NTRK3: variants seen among roughly 807,000 people sequenced by gnomAD.
NTRK3 encodes the protein NT-3 growth factor receptor.
A neutral mutation model predicts 91.7 loss-of-function variants in NTRK3; 24 were observed. That is an observed-to-expected ratio of 0.26 (90% confidence interval 0.19 to 0.37). The LOEUF (loss-of-function observed/expected upper bound fraction) is 0.37. Among genes scored for constraint, NTRK3 ranks in the 10% least tolerant of loss-of-function variants. The probability of loss-of-function intolerance (pLI) is 1.00; values close to 1 mark genes in which losing one functional copy is unlikely to be tolerated. For synonymous variants in NTRK3, 483 were observed against 404.0 expected (o/e 1.20, Z -2.34); for missense variants, 880 against 1,068.9 (o/e 0.82, Z 2.46).
Position 88,187,705 on chromosome 15 carries a change from G to A in NTRK3, c.249-3406C>T, listed in dbSNP as rs566791861. ...AAAACAGACTTTGCGAGGCTGAGGCGGGTGGATCATTCATGGTCAGGAGTT... is the reference window on the plus strand; with the variant it reads ...AAAACAGACTTTGCGAGGCTGAGGCAGGTGGATCATTCATGGTCAGGAGTT... On this transcript the variant is annotated intron_variant, in intron 3 of 18. Transcript: ENST00000394480. Among the ~76,000 whole-genome samples, 4 of 152,122 alleles carry A rather than the reference G, an allele frequency of 2.6e-5. No individual in the cohort carries two copies. In the Middle Eastern group the frequency reaches 0.01, roughly 388 times the overall value.
chr15:88,114,004 T>C (rs190703660), intron 13 of NTRK3, among the ~76,000 whole-genome samples: 96 of 151,146 alleles, frequency 6.4e-4, no homozygotes, highest in African/African-American at 1.8e-3. Flanking sequence ...CTTTAATCAG[T>C]ACCCCCCCCA....
In NTRK3 at chr15:88,233,820, C is replaced by T. The variant is rs1212045729; in HGVS notation, c.248+22086G>A. On this transcript the variant is annotated intron_variant, in intron 3 of 18. Transcript: ENST00000394480. The surrounding 1 kb of genome is among the most constrained non-coding windows in gnomAD (Gnocchi z 4.2). Reference sequence around the variant, plus strand: ...CCCTCCCTGCCTTGTCCAAGAGAATCTCTACTCCCTCTGGCCTCCCTAGAA... The same window carrying T: ...CCCTCCCTGCCTTGTCCAAGAGAATTTCTACTCCCTCTGGCCTCCCTAGAA... Among the ~76,000 whole-genome samples the T allele has an allele frequency of 6.6e-6, 1 of 151,888 alleles. No individual in the cohort carries two copies. Among genetic ancestry groups the T allele is most frequent in the Non-Finnish European group, 1.5e-5 (1 of 68,014 alleles).
At chr15:88,188,338 C>T (rs1181275899) in intron 3 of NTRK3, among the ~76,000 whole-genome samples, 4 of 152,174 alleles carry the variant, frequency 2.6e-5, no homozygotes, top group Admixed American at 1.3e-4. Context: ...ATTTTGCCCC[C>T]CAGCAGACAT....
At chr15:88,066,229 C>T (rs1024163006) in intron 13 of NTRK3, among the ~76,000 whole-genome samples, 6 of 152,162 alleles carry the variant, frequency 3.9e-5, no homozygotes, top group African/African-American at 1.2e-4. Context: ...TCAATGGGCA[C>T]GTCAGACATG....
chr15:88,011,620 C>T (rs1018792968), intron 14 of NTRK3, among the ~76,000 whole-genome samples: 3 of 152,162 alleles, frequency 2.0e-5, no homozygotes, highest in Admixed American at 2.0e-4. Flanking sequence ...AAAGAAGCCG[C>T]AGCTGAAGAT....
intron 13 of NTRK3, among the ~76,000 whole-genome samples, chr15:88,064,909 T>C (rs2046516447): frequency 6.6e-6 from 1 of 152,166 alleles, no homozygotes; most frequent in Non-Finnish European, 1.5e-5. Context: ...TAAGTAAGAA[T>C]AATACTTTCA....
intron 14 of NTRK3, among the ~76,000 whole-genome samples, chr15:87,966,039 C>T (rs912281642): frequency 4.6e-5 from 7 of 152,032 alleles, no homozygotes; most frequent in Non-Finnish European, 7.4e-5. Flanking sequence ...GATCACACCA[C>T]TGCATTCCAG....
chr15:88,130,181 G>A (rs1444545576), intron 10 of NTRK3, among the ~76,000 whole-genome samples: 6 of 152,002 alleles, frequency 3.9e-5, no homozygotes, highest in South Asian at 2.1e-4. Context: ...CCTAGCAAAC[G>A]AATACATGAA....
At position 87,982,263 on chromosome 15, in the gene NTRK3, T is replaced by C. The variant is rs530998620; in HGVS notation, c.1586-41510A>G. ...AGAGGCACTGCTCCAAAATCCTCCA[T>C]TCCTCTCCCTCTGTCTCAGAACAAC... On this transcript the variant is annotated intron_variant, in intron 14 of 18. Coordinates refer to ENST00000394480, the Ensembl canonical transcript of NTRK3. 2.0e-5 allele frequency among the ~76,000 whole-genome samples: 3 copies of C among 152,316 alleles called. No individual in the cohort carries two copies. In the South Asian group the frequency reaches 6.2e-4, roughly 32 times the overall value.
At chr15:87,873,507 G>GAT (rs2064877549) in exon 19 of NTRK3, 8 of 231,760 alleles carry the variant, frequency 3.5e-5, no homozygotes, top group Middle Eastern at 1.3e-3. Context: ...ATGGCAGAGA[G>GAT]ACCAGCCTGG....
At chr15:88,088,754 A>C (rs1404398476) in intron 13 of NTRK3, among the ~76,000 whole-genome samples, 3 of 152,070 alleles carry the variant, frequency 2.0e-5, no homozygotes, top group Admixed American at 1.3e-4. Flanking sequence ...AATTCAAGGG[A>C]CTAGTGGGCA....
intron 14 of NTRK3, among the ~76,000 whole-genome samples, chr15:87,962,091 A>T (rs1301613274): frequency 6.6e-6 from 1 of 152,224 alleles, no homozygotes; most frequent in East Asian, 1.9e-4. Flanking sequence ...GGCTGTAGGA[A>T]GTGACACAAA....
intron 13 of NTRK3, among the ~76,000 whole-genome samples, chr15:88,070,894 G>A (rs1459008634): frequency 1.3e-5 from 2 of 152,130 alleles, no homozygotes; most frequent in Admixed American, 6.6e-5. Context: ...AGAAAAGGAA[G>A]GCAAGATAAA....
intron 13 of NTRK3, among the ~76,000 whole-genome samples, chr15:88,099,890 C>G (rs998241571): frequency 6.6e-6 from 1 of 152,164 alleles, no homozygotes. Context: ...CACACATCTA[C>G]TGAAAAGGCT....
Position 88,234,615 on chromosome 15 carries a change from G to A in NTRK3, c.248+21291C>T, listed in dbSNP as rs990816343. On this transcript the variant is annotated intron_variant, in intron 3 of 18. Coordinates refer to ENST00000394480, the Ensembl canonical transcript of NTRK3. The surrounding 1 kb of genome is among the most constrained non-coding windows in gnomAD (Gnocchi z 6.1). ...CCAGCTCAGTTGCCCCTTCCTCTGG[G>A]GAGCTTCTCTGCATGCCCAGCCTGG... Among the ~76,000 whole-genome samples, 3 of 152,164 alleles carry A rather than the reference G, an allele frequency of 2.0e-5. No individual in the cohort carries two copies. Among genetic ancestry groups the A allele is most frequent in the South Asian group, 2.1e-4 (1 of 4,814 alleles).
At position 87,946,943 on chromosome 15, in the gene NTRK3, G is replaced by A. The variant is rs531038592; in HGVS notation, c.1586-6190C>T. On this transcript the variant is annotated intron_variant, in intron 14 of 18. Transcript: ENST00000394480. ...ATCGCCCAGGCTGGAGTGCAATGGC[G>A]CAATCTGGGCTCACTGCAACCTCCG... 6.4e-5 allele frequency among the ~76,000 whole-genome samples: 9 copies of A among 139,886 alleles called. No homozygotes were observed. In the South Asian group the frequency reaches 9.5e-4, roughly 15 times the overall value. The allele number at this position is 139,886 out of a possible 152,430, so 91.8% of individuals were successfully genotyped here.
At position 88,241,625 on chromosome 15, in the gene NTRK3, C is replaced by T. The variant is rs538337546; in HGVS notation, c.248+14281G>A. Among the ~76,000 whole-genome samples, 4 of 152,262 alleles carry T rather than the reference C, an allele frequency of 2.6e-5. No individual in the cohort carries two copies. The South Asian group carries it at 8.3e-4, about 32-fold the overall frequency. On this transcript the variant is annotated intron_variant, in intron 3 of 18. Transcript: ENST00000394480. This position sits in a 1 kb window ranked among gnomAD's most constrained non-coding sequence, Gnocchi z 4.3. ...GGTCAGCCGCTGGTTGGGCAGAATG[C>T]CAGCTGGGTGCTGGGAGCAGGAAGC...
At chr15:88,198,987 A>C (rs1295570778) in intron 3 of NTRK3, among the ~76,000 whole-genome samples, 1 of 152,152 alleles carries the variant, frequency 6.6e-6, no homozygotes, top group Non-Finnish European at 1.5e-5. Context: ...TGTGCTGTCC[A>C]TCATGGAACT....
At chr15:87,988,762 C>A (rs994094420) in intron 14 of NTRK3, among the ~76,000 whole-genome samples, 3 of 152,098 alleles carry the variant, frequency 2.0e-5, no homozygotes, top group Admixed American at 1.3e-4. Flanking sequence ...GTAGGGTGAT[C>A]AGAATCTTCA....
Sources: gnomAD v4.1 joint callset for allele counts (sites outside exome capture counted in the v4.1 genomes callset) on GRCh38, gnomAD v4.1.1 for gene constraint, Gnocchi (gnomAD v3.1) non-coding constraint, MANE v1.5 for transcripts, NCBI Gene and HGNC (gene_info 2026-07-23, HGNC 2026-07-21) for gene names.